The following RNF41 variants were observed in gnomAD, a reference collection of about 807,000 sequenced individuals.
RNF41 encodes ring finger protein 41, also known as E3 ubiquitin-protein ligase NRDP1.
A neutral mutation model predicts 33.0 loss-of-function variants in RNF41; 4 were observed. The ratio of observed to expected loss-of-function variants is 0.12; its 90% CI spans 0.06 to 0.28. The LOEUF is 0.28. Ranked by LOEUF, RNF41 falls within the 10% of genes least tolerant of loss-of-function variation. The pLI, the probability that RNF41 is intolerant of heterozygous loss-of-function variation, is 1.00. For missense variants in RNF41, 228 were observed against 432.6 expected, an observed-to-expected ratio of 0.53 and a Z score of 4.19; for synonymous variants, 164 against 153.2, an observed-to-expected ratio of 1.07 and a Z score of -0.52.
chr12:56,210,120 T>G, intron 4 of RNF41, 177 bp downstream of exon 4: 1 of 642,694 alleles, frequency 1.6e-6, no homozygotes, highest in Non-Finnish European at 2.6e-6. Flanking sequence ...AGCAAAATGA[T>G]TATAGTTGGA....
intron 1 of RNF41, among the ~76,000 whole-genome samples, chr12:56,220,246 ACT>A (rs1869267291): frequency 6.6e-6 from 1 of 150,788 alleles, no homozygotes; most frequent in Non-Finnish European, 1.5e-5. Flanking sequence ...ACAGAGTCTC[ACT>A]CTGTTGCCCA....
Position 56,206,331 on chromosome 12 carries a change from G to A in RNF41, c.*116C>T, listed in dbSNP as rs1405085938. 1 of 892,218 alleles carries A rather than the reference G, an allele frequency of 1.1e-6. No homozygotes were observed. Among genetic ancestry groups the A allele is most frequent in the Non-Finnish European group, 1.7e-6 (1 of 576,112 alleles). 55.3% of individuals were successfully genotyped at this position (892,218 alleles called of 1,614,324 possible). ...TTCAGTGCCAGAAGGGCAGGGAGATGTGTGGCTCAGGTATAAGCCACAGTA... is the reference window on the plus strand; with the variant it reads ...TTCAGTGCCAGAAGGGCAGGGAGATATGTGGCTCAGGTATAAGCCACAGTA... On this transcript the variant is annotated 3_prime_UTR_variant, in exon 7 of 7. Transcript: ENST00000345093. This position sits in a 1 kb window ranked among gnomAD's most constrained non-coding sequence, Gnocchi z 5.7.
At chr12:56,216,900 G>A (rs1474530202) in intron 1 of RNF41, among the ~76,000 whole-genome samples, 1 of 152,182 alleles carries the variant, frequency 6.6e-6, no homozygotes, top group Non-Finnish European at 1.5e-5. Context: ...CAGCTCTTAG[G>A]GAGGCCAAGG....
chr12:56,209,952 T>C (rs115880250), intron 4 of RNF41: 109 of 281,720 alleles, frequency 3.9e-4, no homozygotes, highest in African/African-American at 2.3e-3. Context: ...AATAAAAAAA[T>C]AGGGCAAGAG....
chr12:56,218,948 C>T (rs540695338), intron 1 of RNF41, among the ~76,000 whole-genome samples: 6 of 149,852 alleles, frequency 4.0e-5, no homozygotes, highest in South Asian at 2.1e-4. Context: ...GTGATCCGCC[C>T]GCCTCGGCCT....
rs778867163 is a variant in RNF41 at position 56,204,172 on chromosome 12, T to C, written c.*2275A>G. ...GCTTGTGGGACAAAGGAAAAAGATA[T>C]ATACATATCTTCTGTAGAAATTATC... On this transcript the variant is annotated 3_prime_UTR_variant, in exon 7 of 7. Coordinates refer to ENST00000345093, the MANE Select transcript of RNF41 (RefSeq NM_005785.4). The C allele has an allele frequency of 3.9e-5, 6 of 152,148 alleles. No individual in the cohort carries two copies. Among genetic ancestry groups the C allele is most frequent in the African/African-American group, 7.2e-5 (3 of 41,416 alleles). 9.4% of individuals were successfully genotyped at this position (152,148 alleles called of 1,614,324 possible).
intron 3 of RNF41, among the ~76,000 whole-genome samples, chr12:56,212,170 T>G (rs1354256955): frequency 6.6e-6 from 1 of 152,186 alleles, no homozygotes; most frequent in Non-Finnish European, 1.5e-5. Flanking sequence ...TCTATTCATA[T>G]TTGCTTATAT....
At position 56,213,946 on chromosome 12, in the gene RNF41, A is replaced by T. The variant is rs1195656954; in HGVS notation, c.90+12T>A. ...CTGTTGCCCCACCAAACCTGCCATC[A>T]GACCAACTCACCTGTACTGGCTCCT... On this transcript the variant is annotated intron_variant, in intron 3 of 6. Coordinates refer to ENST00000345093, the MANE Select transcript of RNF41 (RefSeq NM_005785.4). The T allele has an allele frequency of 6.3e-7, 1 of 1,595,688 alleles. No individual in the cohort carries two copies. Among genetic ancestry groups the T allele is most frequent in the South Asian group, 1.1e-5 (1 of 90,686 alleles).
At chr12:56,219,884 G>A (rs533183732) in intron 1 of RNF41, among the ~76,000 whole-genome samples, 5 of 151,812 alleles carry the variant, frequency 3.3e-5, no homozygotes, top group African/African-American at 7.2e-5. Context: ...GCATGATGGC[G>A]TGAGTGCCTG....
At position 56,202,219 on chromosome 12, in the gene RNF41, C is replaced by G. The variant is rs1316024478; in HGVS notation, c.*4228G>C. 1 of 126,638 alleles carries G rather than the reference C, an allele frequency of 7.9e-6. No individual in the cohort carries two copies. Among genetic ancestry groups the G allele is most frequent in the African/African-American group, 2.9e-5 (1 of 34,464 alleles). The allele number at this position is 126,638 out of a possible 1,614,324, so 7.8% of individuals were successfully genotyped here. ...AAAAAAAATTTTACTAGTATTAAAA[C>G]AGATTAAGACAATTCCAGGTGCAGT... On this transcript the variant is annotated 3_prime_UTR_variant, in exon 7 of 7. Coordinates refer to ENST00000345093, the MANE Select transcript of RNF41 (RefSeq NM_005785.4).
rs1413570456 is a variant in RNF41 at position 56,204,858 on chromosome 12, G to A, written c.*1589C>T. ...GCAAGCTAGCCTGGAATAAAATTCT[G>A]AGAGGAAGCCATTACATGGTGGGGA... On this transcript the variant is annotated 3_prime_UTR_variant, in exon 7 of 7. Transcript: ENST00000345093. The A allele has an allele frequency of 6.6e-6, 1 of 152,634 alleles. No individual in the cohort carries two copies. Among genetic ancestry groups the A allele is most frequent in the Non-Finnish European group, 1.5e-5 (1 of 68,086 alleles). 9.5% of individuals were successfully genotyped at this position (152,634 alleles called of 1,614,324 possible).
In RNF41 at chr12:56,216,426, T is replaced by C. The variant is rs149610832; in HGVS notation, c.-24+3A>G. 2.6e-5 allele frequency: 4 copies of C among 152,296 alleles called. No homozygotes were observed. Among genetic ancestry groups the C allele is most frequent in the Admixed American group, 6.5e-5 (1 of 15,296 alleles). 9.4% of individuals were successfully genotyped at this position (152,296 alleles called of 1,614,324 possible). Reference sequence around the variant, plus strand: ...AATGGGATTCTGAATCAAAGCTCTTTACCTTCCAAGTGTTGGGGGGCAGGT... The same window carrying C: ...AATGGGATTCTGAATCAAAGCTCTTCACCTTCCAAGTGTTGGGGGGCAGGT... On this transcript the variant is annotated splice_donor_region_variant and intron_variant, in intron 2 of 6. Transcript: ENST00000345093.
At chr12:56,220,269 C>T (rs926400554) in intron 1 of RNF41, among the ~76,000 whole-genome samples, 1 of 151,664 alleles carries the variant, frequency 6.6e-6, no homozygotes, top group South Asian at 2.1e-4. Flanking sequence ...GGTTGGAGTT[C>T]AGTGGTGGAA....
At chr12:56,215,202 T>G (rs895915484) in intron 2 of RNF41, among the ~76,000 whole-genome samples, 4 of 152,158 alleles carry the variant, frequency 2.6e-5, no homozygotes, top group Non-Finnish European at 5.9e-5. Flanking sequence ...GAGACAAGGC[T>G]GGAGAGGCAA....
chr12:56,212,031 C>T (rs2094205456), intron 3 of RNF41, among the ~76,000 whole-genome samples: 1 of 152,206 alleles, frequency 6.6e-6, no homozygotes, highest in Non-Finnish European at 1.5e-5. Context: ...TGCCTGTAAT[C>T]CCAGCACTTT....
intron 3 of RNF41, chr12:56,213,199 G>GTTT: frequency 1.0e-6 from 1 of 965,508 alleles, no homozygotes; most frequent in Non-Finnish European, 1.4e-6. Context: ...CTTCCTATTT[G>GTTT]TTTTTGTTTT....
At position 56,205,766 on chromosome 12, in the gene RNF41, A is replaced by G. The variant is rs1868256009; in HGVS notation, c.*681T>C. 1 of 152,724 alleles carries G rather than the reference A, an allele frequency of 6.5e-6. No individual in the cohort carries two copies. The highest frequency in any genetic ancestry group is 2.4e-5 in the African/African-American group (1 of 41,458). The allele number at this position is 152,724 out of a possible 1,614,324, so 9.5% of individuals were successfully genotyped here. Reference sequence around the variant, plus strand: ...CTTGCTAAACACATCAACCCCCAACAGATTAACCCCTACCCTAAACCCTGG... The same window carrying G: ...CTTGCTAAACACATCAACCCCCAACGGATTAACCCCTACCCTAAACCCTGG... On this transcript the variant is annotated 3_prime_UTR_variant, in exon 7 of 7. Transcript: ENST00000345093.
In RNF41 at chr12:56,205,444, G is replaced by A. The variant is rs1868250461; in HGVS notation, c.*1003C>T. 3 of 141,214 alleles carry A rather than the reference G, an allele frequency of 2.1e-5. No individual in the cohort carries two copies. The highest frequency in any genetic ancestry group is 4.5e-4 in the South Asian group (2 of 4,420). 8.7% of individuals were successfully genotyped at this position (141,214 alleles called of 1,614,324 possible). ...AACCCCCACAATAGGAACATCAAAA[G>A]AAAAGTTTCAAGTTTGATTTTTTTT... On this transcript the variant is annotated 3_prime_UTR_variant, in exon 7 of 7. Coordinates refer to ENST00000345093, the MANE Select transcript of RNF41 (RefSeq NM_005785.4).
At chr12:56,220,447 G>C (rs903991299) in intron 1 of RNF41, among the ~76,000 whole-genome samples, 23 of 150,830 alleles carry the variant, frequency 1.5e-4, no homozygotes, top group African/African-American at 5.3e-4. Flanking sequence ...GAACTTTTGA[G>C]CTCAGGCAAT....
Sources: allele counts gnomAD v4.1 joint callset (sites outside exome capture counted in the v4.1 genomes callset), GRCh38; gene constraint gnomAD v4.1.1; non-coding constraint Gnocchi (gnomAD v3.1); transcripts MANE v1.5; gene names NCBI Gene and HGNC (gene_info 2026-07-23, HGNC 2026-07-21).